The following ELP2 variants were observed in gnomAD, a reference collection of about 807,000 sequenced individuals.
ELP2 encodes elongator complex protein 2.
In ELP2, 90 loss-of-function variants were observed where a neutral mutation model predicts 119.2. The observed-to-expected ratio is 0.75, with a 90% confidence interval of 0.64 to 0.90. The LOEUF is 0.90. Ranked by LOEUF, ELP2 falls within the 40% of genes least tolerant of loss-of-function variation. ELP2 has a pLI of 0.00. For missense variants in ELP2, 921 were observed against 967.8 expected, an observed-to-expected ratio of 0.95 and a Z score of 0.64; for synonymous variants, 339 against 331.0, an observed-to-expected ratio of 1.02 and a Z score of -0.26.
intron 1 of ELP2, among the ~76,000 whole-genome samples, chr18:36,132,960 A>C (rs2089685893): frequency 6.6e-6 from 1 of 152,006 alleles, no homozygotes; most frequent in South Asian, 2.1e-4. Flanking sequence ...ACTGTAGGAG[A>C]GTGAGCAGAA....
At chr18:36,172,796 T>C (rs762539547) in intron 21 of ELP2, among the ~76,000 whole-genome samples, 1 of 152,196 alleles carries the variant, frequency 6.6e-6, no homozygotes, top group Non-Finnish European at 1.5e-5. Flanking sequence ...AGGGAACACG[T>C]ATAGAATTTG....
chr18:36,134,407 AATC>A (rs2089753012), intron 2 of ELP2, among the ~76,000 whole-genome samples: 2 of 152,224 alleles, frequency 1.3e-5, no homozygotes, highest in Admixed American at 1.3e-4. Context: ...ATTCTAATAA[AATC>A]ATATGTTAAA....
At chr18:36,138,499 A>G (rs868320523) in intron 4 of ELP2, 73 bp downstream of exon 4, 1 of 1,480,468 alleles carries the variant, frequency 6.8e-7, no homozygotes, top group Non-Finnish European at 9.3e-7. Context: ...AGAAGAGCAT[A>G]TATATAATTC....
intron 1 of ELP2, among the ~76,000 whole-genome samples, chr18:36,131,719 C>T (rs574320605): frequency 6.6e-6 from 1 of 152,304 alleles, no homozygotes; most frequent in Admixed American, 6.5e-5. Flanking sequence ...GATGATTATA[C>T]TCATGCTTTG....
intron 11 of ELP2, among the ~76,000 whole-genome samples, chr18:36,154,062 C>T: frequency 7.0e-6 from 1 of 143,052 alleles, no homozygotes; most frequent in Non-Finnish European, 1.5e-5. Context: ...TTTTTTGTCA[C>T]AGGCTTTTTT....
intron 11 of ELP2, among the ~76,000 whole-genome samples, chr18:36,148,259 A>C (rs2090277259): frequency 6.6e-6 from 1 of 151,774 alleles, no homozygotes; most frequent in Non-Finnish European, 1.5e-5. Flanking sequence ...ACACCTGGCT[A>C]ATTTTTTGTA....
chr18:36,162,273 G>C (rs1386782606), intron 17 of ELP2, among the ~76,000 whole-genome samples: 3 of 149,682 alleles, frequency 2.0e-5, no homozygotes, highest in Non-Finnish European at 4.5e-5. Flanking sequence ...TGTCATGATA[G>C]AGTAGTTTAC....
At chr18:36,163,175 G>C (rs1359166413) in intron 17 of ELP2, among the ~76,000 whole-genome samples, 1 of 151,918 alleles carries the variant, frequency 6.6e-6, no homozygotes, top group Non-Finnish European at 1.5e-5. Context: ...TTTTGCTTCT[G>C]AGTCATTTCC....
intron 5 of ELP2, chr18:36,139,625 TTTGTTTTTA>T (rs1197085391): frequency 4.6e-6 from 7 of 1,513,334 alleles, no homozygotes; most frequent in African/African-American, 1.4e-5. Context: ...TGACTGGAGT[TTTGTTTTTA>T]TTGTTTTTAT....
rs147295045 is a variant in ELP2 at position 36,154,868 on chromosome 18, A to T, written c.1144A>T (p.Ile382Phe). ...TVNPREWTPE[I>F]VISGHFDGVQ... ...ATTGCAGAGAGAGTGGACTCCAGAGATTGTCATTTCAGGACACTTTGATGG... is the reference window on the plus strand; with the variant it reads ...ATTGCAGAGAGAGTGGACTCCAGAGTTTGTCATTTCAGGACACTTTGATGG... Residue 382 changes from isoleucine to phenylalanine, a missense_variant, in exon 12 of 22, where the codon ATT becomes TTT. Physicochemically the swap from Ile to Phe is conservative, Grantham distance 21 (BLOSUM62 0). Coordinates refer to ENST00000358232, the MANE Select transcript of ELP2 (RefSeq NM_018255.4). 22 of 1,613,982 alleles carry T rather than the reference A, an allele frequency of 1.4e-5. No homozygotes were observed. The African/African-American group carries it at 2.9e-4, about 22-fold the overall frequency.
At position 36,174,742 on chromosome 18, in the gene ELP2, T is replaced by C; in HGVS notation, c.*101T>C. 1 of 1,263,242 alleles carries C rather than the reference T, an allele frequency of 7.9e-7. No individual in the cohort carries two copies. Among genetic ancestry groups the C allele is most frequent in the Non-Finnish European group, 1.1e-6 (1 of 902,494 alleles). 78.3% of individuals were successfully genotyped at this position (1,263,242 alleles called of 1,614,324 possible). On this transcript the variant is annotated 3_prime_UTR_variant, in exon 22 of 22. Transcript: ENST00000358232. ...ATAACTGAATTGAGTTTCTGGGTTT[T>C]TTTTTTTTTTGAGATGGAGTCTTGC...
chr18:36,135,382 T>C (rs1264971260), intron 2 of ELP2, among the ~76,000 whole-genome samples: 1 of 152,222 alleles, frequency 6.6e-6, no homozygotes, highest in Non-Finnish European at 1.5e-5. Flanking sequence ...ATAGACATTC[T>C]TAAAATCATA....
At chr18:36,140,064 G>A (rs1655615025) in intron 5 of ELP2, among the ~76,000 whole-genome samples, 1 of 151,602 alleles carries the variant, frequency 6.6e-6, no homozygotes, top group Non-Finnish European at 1.5e-5. Flanking sequence ...GGCTGGTCTT[G>A]GACTCCTGGC....
chr18:36,164,900 A>G (rs1384629401), intron 18 of ELP2: 1 of 535,704 alleles, frequency 1.9e-6, no homozygotes. Flanking sequence ...TCAAGATGGC[A>G]TGCATTCAGA....
chr18:36,178,189 T>C lies in ELP2; in HGVS notation c.*3548T>C, dbSNP rs775472070. The C allele has an allele frequency of 1.3e-5, 2 of 152,082 alleles. No individual in the cohort carries two copies. Among genetic ancestry groups the C allele is most frequent in the African/African-American group, 2.4e-5 (1 of 41,374 alleles). The allele number at this position is 152,082 out of a possible 1,614,324, so 9.4% of individuals were successfully genotyped here. A position where few individuals can be genotyped will look rare whatever the true frequency, so the allele number is the denominator to read the frequency against. On this transcript the variant is annotated 3_prime_UTR_variant, in exon 22 of 22. Transcript: ENST00000358232. ...GGAGACGGGAGAGCCCAGCTCTGGG[T>C]ACAGTTGGGCCACAGCAGAAGGAGG...
At chr18:36,131,259 T>G (rs2089613561) in intron 1 of ELP2, among the ~76,000 whole-genome samples, 1 of 152,256 alleles carries the variant, frequency 6.6e-6, no homozygotes, top group Admixed American at 6.5e-5. Flanking sequence ...TGAGCTTGCT[T>G]GCCTCTTCCT....
chr18:36,143,421 C>CTTTTT (rs67196641), intron 8 of ELP2, among the ~76,000 whole-genome samples: 1 of 98,022 alleles, frequency 1.0e-5, no homozygotes. Flanking sequence ...CGTGCCTGGC[C>CTTTTT]TTTTTTTTTT....
At chr18:36,138,705 A>C (rs1453200676) in intron 4 of ELP2, 90 bp from the exon 5 acceptor site, 44 of 1,113,290 alleles carry the variant, frequency 4.0e-5, no homozygotes, top group Non-Finnish European at 5.8e-5. Flanking sequence ...CCCTTCTGCT[A>C]CCTGGGGCTG....
At position 36,129,979 on chromosome 18, in the gene ELP2, A is replaced by G. The variant is rs2089531825; in HGVS notation, c.46A>G (p.Asn16Asp). ...LETSHVFCCP[N>D]RVRGVLNWSS... ...GACTTCTCACGTGTTTTGCTGCCCA[A>G]ACCGGGTGCGGGGAGTCCTGAACTG... The change falls in exon 1 of 22, where the codon AAC (asparagine) becomes GAC (aspartate). Residue 16 changes from asparagine to aspartate, a missense_variant. Coordinates refer to ENST00000358232, the MANE Select transcript of ELP2 (RefSeq NM_018255.4). 2 of 1,614,174 alleles carry G rather than the reference A, an allele frequency of 1.2e-6. No homozygotes were observed. Among genetic ancestry groups the G allele is most frequent in the Non-Finnish European group, 1.7e-6 (2 of 1,180,026 alleles).
Sources: allele counts gnomAD v4.1 joint callset (sites outside exome capture counted in the v4.1 genomes callset), GRCh38; gene constraint gnomAD v4.1.1; transcripts MANE v1.5; gene names NCBI Gene and HGNC (gene_info 2026-07-23, HGNC 2026-07-21).